The following POLA1 variants were observed in gnomAD, a reference collection of about 807,000 sequenced individuals.
POLA1 encodes DNA polymerase alpha catalytic subunit.
Under a neutral mutation model 124.0 loss-of-function variants are expected in POLA1, and 15 were observed. That is an observed-to-expected ratio of 0.12 (90% CI 0.08 to 0.19). The LOEUF is 0.19. Among genes scored for constraint, POLA1 ranks in the 10% least tolerant of loss-of-function variants. The probability of loss-of-function intolerance (pLI) is 1.00; values close to 1 mark genes in which losing one functional copy is unlikely to be tolerated. For missense variants in POLA1, 886 were observed against 1,103.4 expected (o/e 0.80, Z 2.79); for synonymous variants, 408 against 389.4 (o/e 1.05, Z -0.56).
chrX:24,977,687 T>C (rs1356254174), intron 36 of POLA1, among the ~76,000 whole-genome samples: 2 of 112,361 alleles, frequency 1.8e-5, no homozygotes, highest in East Asian at 5.6e-4. Flanking sequence ...AATTTTCTTG[T>C]TTTTGCAGTG....
At chrX:24,931,372 C>G (rs2047777006) in intron 36 of POLA1, among the ~76,000 whole-genome samples, 1 of 111,862 alleles carries the variant, frequency 8.9e-6, no homozygotes, top group African/African-American at 3.2e-5. Flanking sequence ...CATTAAAAAC[C>G]TACAACTATT....
intron 35 of POLA1, among the ~76,000 whole-genome samples, chrX:24,915,010 A>T (rs906701937): frequency 1.8e-5 from 2 of 112,149 alleles, no homozygotes; most frequent in African/African-American, 6.5e-5. Flanking sequence ...CTCCTGGTTT[A>T]AAATTACTGG....
At chrX:24,865,278 A>G (rs2046778960) in intron 34 of POLA1, among the ~76,000 whole-genome samples, 1 of 112,342 alleles carries the variant, frequency 8.9e-6, no homozygotes, top group Non-Finnish European at 1.9e-5. Context: ...CCTATCAGCT[A>G]GTGGTAATAT....
At chrX:24,950,210 C>T (rs1414114616) in intron 36 of POLA1, among the ~76,000 whole-genome samples, 1 of 112,127 alleles carries the variant, frequency 8.9e-6, no homozygotes, top group African/African-American at 3.2e-5. Flanking sequence ...TATAACTCAT[C>T]TTCAGATTGT....
At chrX:24,892,807 G>A (rs923809419) in intron 35 of POLA1, among the ~76,000 whole-genome samples, 1 of 111,922 alleles carries the variant, frequency 8.9e-6, no homozygotes, top group African/African-American at 3.2e-5. Context: ...GTATAGTGGA[G>A]CCCTTTATTC....
intron 36 of POLA1, among the ~76,000 whole-genome samples, 178 bp downstream of exon 36, chrX:24,930,727 A>G (rs1160213008): frequency 1.8e-5 from 2 of 112,410 alleles, no homozygotes; most frequent in Admixed American, 1.9e-4. Context: ...AGGAATCCCC[A>G]GCTTTGGCCC....
At chrX:24,708,967 C>A (rs1363163142) in intron 4 of POLA1, among the ~76,000 whole-genome samples, 2 of 79,539 alleles carry the variant, frequency 2.5e-5, no homozygotes, top group Non-Finnish European at 2.6e-5. Context: ...GGCGGCCGGG[C>A]AGAGGCGCCC....
intron 26 of POLA1, among the ~76,000 whole-genome samples, chrX:24,761,791 A>G (rs1261918934): frequency 8.9e-6 from 1 of 112,143 alleles, no homozygotes; most frequent in Non-Finnish European, 1.9e-5. Flanking sequence ...TCTTCAAGTG[A>G]TATTTGCTGA....
chrX:24,928,284 T>C (rs980412172), intron 35 of POLA1, among the ~76,000 whole-genome samples: 2 of 111,894 alleles, frequency 1.8e-5, no homozygotes, highest in African/African-American at 6.5e-5. Flanking sequence ...TTCCTTCATG[T>C]GGGTTGTCAC....
intron 26 of POLA1, among the ~76,000 whole-genome samples, chrX:24,751,425 C>G (rs186358448): frequency 3.9e-3 from 431 of 111,207 alleles, no homozygotes; most frequent in African/African-American, 0.013. Context: ...TATAAAAAAC[C>G]CTGTTCTCTC....
Position 24,723,271 on chromosome X carries a change from A to ATT in POLA1, c.1200+4_1200+5insTT. On this transcript the variant is annotated splice_donor_region_variant and intron_variant, in intron 11 of 36. Coordinates refer to ENST00000379068, the MANE Select transcript of POLA1 (RefSeq NM_001330360.2). ...TTACTTCCTTCCCCGTGAAATGGTA[A>ATT]ACATTAGTGATTAGCTTTTAGTTCT... The ATT allele has an allele frequency of 9.1e-7, 1 of 1,094,235 alleles. No homozygotes were observed. Among genetic ancestry groups the ATT allele is most frequent in the Non-Finnish European group, 1.3e-6 (1 of 789,150 alleles). The allele number at this position is 1,094,235 out of a possible 1,213,427, so 90.2% of individuals were successfully genotyped here.
intron 26 of POLA1, chrX:24,788,680 T>G (rs2045422023): frequency 1.7e-6 from 2 of 1,201,851 alleles, no homozygotes; most frequent in East Asian, 3.0e-5. Context: ...GTTTTTTGGC[T>G]TTCTTTGATT....
rs766431145 is a variant in POLA1, at chrX:24,896,147, AG to A, written c.4164+8028del. ...TTAACTGGGGGCAGTTTTGCCCCCCAGGGAACATTTTTGGTTGTCATAACTG... is the reference window on the plus strand; with the variant it reads ...TTAACTGGGGGCAGTTTTGCCCCCCAGGAACATTTTTGGTTGTCATAACTG... On this transcript the variant is annotated intron_variant, in intron 35 of 36. Transcript: ENST00000379068. Among the ~76,000 whole-genome samples, 3 of 111,851 alleles carry A rather than the reference AG, an allele frequency of 2.7e-5. No individual in the cohort carries two copies. In the East Asian group the frequency reaches 8.5e-4, roughly 32 times the overall value.
intron 26 of POLA1, among the ~76,000 whole-genome samples, chrX:24,807,269 C>T (rs1467647831): frequency 8.9e-6 from 1 of 112,074 alleles, no homozygotes; most frequent in Non-Finnish European, 1.9e-5. Flanking sequence ...CAAACTGCTC[C>T]TCAGGTATTT....
chrX:24,758,611 T>A (rs774275295), intron 26 of POLA1, among the ~76,000 whole-genome samples: 6 of 112,618 alleles, frequency 5.3e-5, no homozygotes, highest in African/African-American at 1.9e-4. Flanking sequence ...AGAAGAAAGC[T>A]ACATCAAGGA....
Position 24,811,447 on chromosome X carries a change from G to GC in POLA1, c.3090+653dup, listed in dbSNP as rs778410428. Among the ~76,000 whole-genome samples the GC allele has an allele frequency of 6.2e-4, 67 of 108,908 alleles. 1 individual carries two copies. Among genetic ancestry groups the GC allele is most frequent in the Non-Finnish European group, 1.2e-3 (62 of 52,430 alleles). 94.6% of individuals were successfully genotyped at this position (108,908 alleles called of 115,157 possible). A position where few individuals can be genotyped will look rare whatever the true frequency, so the allele number is the denominator to read the frequency against. ...TGGGATTACAGGCATGCACCATCAC[G>GC]CCCCCCTAATTTTTGTATTTTTGGT... On this transcript the variant is annotated intron_variant, in intron 28 of 36. Transcript: ENST00000379068.
At chrX:24,705,029 T>G (rs1255942603) in intron 4 of POLA1, among the ~76,000 whole-genome samples, 1 of 111,561 alleles carries the variant, frequency 9.0e-6, no homozygotes, top group Non-Finnish European at 1.9e-5. Flanking sequence ...TTTTTTTTGT[T>G]TAGTTTGTTA....
intron 36 of POLA1, among the ~76,000 whole-genome samples, chrX:24,984,721 G>T (rs1459259298): frequency 8.9e-5 from 9 of 100,961 alleles, no homozygotes; most frequent in Non-Finnish European, 1.8e-4. Context: ...GTGCAGTGGC[G>T]CGATCTCGGC....
At chrX:24,725,858 G>GCTT in intron 12 of POLA1, 123 bp from the exon 13 acceptor site, 1 of 464,758 alleles carries the variant, frequency 2.2e-6, no homozygotes, top group Non-Finnish European at 3.6e-6. Context: ...TACCTTTTTG[G>GCTT]CTTCATTTAC....
Sources: allele counts gnomAD v4.1 joint callset (sites outside exome capture counted in the v4.1 genomes callset), GRCh38; gene constraint gnomAD v4.1.1; transcripts MANE v1.5; gene names NCBI Gene and HGNC (gene_info 2026-07-23, HGNC 2026-07-21).